Variants in MAPK8IP3 observed in about 807,000 individuals in gnomAD.
The protein encoded by MAPK8IP3 is mitogen-activated protein kinase 8 interacting protein 3.
A neutral mutation model predicts 157.8 loss-of-function variants in MAPK8IP3; 49 were observed. The observed-to-expected ratio is 0.31, with a 90% CI of 0.25 to 0.39. MAPK8IP3 has a LOEUF of 0.39. Among genes scored for constraint, MAPK8IP3 ranks in the 10% least tolerant of loss-of-function variants. The pLI is 1.00. For missense variants in MAPK8IP3, 1,478 were observed against 1,889.4 expected, an observed-to-expected ratio of 0.78 and a Z score of 4.04; for synonymous variants, 897 against 777.7, an observed-to-expected ratio of 1.15 and a Z score of -2.55.
In MAPK8IP3 at chr16:1,708,842, C is replaced by T. The variant is rs576357993; in HGVS notation, c.318+2185C>T. Among the ~76,000 whole-genome samples the T allele has an allele frequency of 1.1e-3, 171 of 152,276 alleles. 1 individual carries two copies. Among genetic ancestry groups the T allele is most frequent in the Non-Finnish European group, 1.5e-3 (99 of 68,026 alleles). ...GGCTTTACAACTAAGGAAGAGGGCT[C>T]GATGCTGTCAACATTTGGCATGCCT... On this transcript the variant is annotated intron_variant, in intron 1 of 31. Transcript: ENST00000610761.
intron 4 of MAPK8IP3, among the ~76,000 whole-genome samples, chr16:1,738,985 T>A (rs2040363677): frequency 7.1e-6 from 1 of 140,182 alleles, no homozygotes; most frequent in Non-Finnish European, 1.5e-5. Flanking sequence ...CGTGTGAGCA[T>A]GTGAGCATCC....
At chr16:1,767,766 G>A in intron 27 of MAPK8IP3, 31 bp downstream of exon 27, 1 of 1,611,724 alleles carries the variant, frequency 6.2e-7, no homozygotes, top group East Asian at 2.2e-5. Flanking sequence ...GGGTGGTGGG[G>A]TGCTCAAGGC....
intron 11 of MAPK8IP3, 51 bp from the exon 12 acceptor site, chr16:1,760,329 C>T (rs531577262): frequency 2.1e-5 from 33 of 1,572,968 alleles, no homozygotes; most frequent in Admixed American, 3.5e-5. Flanking sequence ...GGCCCCTTCA[C>T]GTACCTGTAT....
At chr16:1,717,741 A>G (rs1443438932) in intron 1 of MAPK8IP3, among the ~76,000 whole-genome samples, 2 of 152,236 alleles carry the variant, frequency 1.3e-5, no homozygotes, top group Non-Finnish European at 2.9e-5. Context: ...ATTCAAAAAA[A>G]ATGCTGATAG....
chr16:1,763,120 C>G, intron 16 of MAPK8IP3, 114 bp downstream of exon 16: 1 of 1,388,348 alleles, frequency 7.2e-7, no homozygotes, highest in Non-Finnish European at 9.9e-7. Flanking sequence ...CTCCACCTTG[C>G]TGGCCACATG....
intron 11 of MAPK8IP3, 137 bp downstream of exon 11, chr16:1,760,152 G>A (rs988750123): frequency 2.8e-6 from 3 of 1,069,074 alleles, no homozygotes; most frequent in Admixed American, 4.2e-5. Flanking sequence ...CTGGCGGGAG[G>A]AACTTGGAGC....
At position 1,768,212 on chromosome 16, in the gene MAPK8IP3, C is replaced by G. The variant is rs750069136; in HGVS notation, c.3576C>G (p.Ser1192=). The G allele has an allele frequency of 6.2e-7, 1 of 1,612,434 alleles. No individual in the cohort carries two copies. The highest frequency in any genetic ancestry group is 1.3e-5 in the African/African-American group (1 of 75,058). ...CTCTCCCTGCAGCCAATAAGACATC[C>G]CCCACCTCTGGGGAGGGCGCCCGTC... ...QLLGLRANKT[S]PTSGEGARPG... is the part of the protein sequence containing the mutation. Residue 1192 remains serine, a synonymous_variant, in exon 30 of 32, where the codon TCC becomes TCG. Coordinates refer to ENST00000610761, the MANE Select transcript of MAPK8IP3 (RefSeq NM_001318852.2).
chr16:1,753,557 C>T (rs1327555686), intron 8 of MAPK8IP3, among the ~76,000 whole-genome samples: 1 of 152,006 alleles, frequency 6.6e-6, no homozygotes, highest in African/African-American at 2.4e-5. Flanking sequence ...TCTCCTGCCT[C>T]AGCCTCCCGA....
At chr16:1,721,918 C>T (rs1404910559) in intron 1 of MAPK8IP3, among the ~76,000 whole-genome samples, 2 of 151,896 alleles carry the variant, frequency 1.3e-5, no homozygotes, top group African/African-American at 2.4e-5. Flanking sequence ...TACAGGCGCC[C>T]GCCACCACGC....
chr16:1,721,487 T>C (rs2038519095), intron 1 of MAPK8IP3, among the ~76,000 whole-genome samples: 1 of 152,080 alleles, frequency 6.6e-6, no homozygotes, highest in Non-Finnish European at 1.5e-5. Context: ...GGGAGTGCAG[T>C]GGTGCCAGCC....
chr16:1,761,102 G>A, intron 12 of MAPK8IP3, 122 bp from the exon 13 acceptor site: 2 of 768,184 alleles, frequency 2.6e-6, no homozygotes, highest in Admixed American at 1.9e-5. Context: ...GGGTCCCTGT[G>A]GGGAGAGCCC....
Position 1,760,554 on chromosome 16 carries a change from C to T in MAPK8IP3, c.1457+22C>T, listed in dbSNP as rs149566647. 5.2e-4 allele frequency: 840 copies of T among 1,603,062 alleles called. 2 individuals carry two copies. The African/African-American group carries it at 1.0e-2, about 19-fold the overall frequency. On this transcript the variant is annotated intron_variant, in intron 12 of 31. Transcript: ENST00000610761. ...AAAGGTGAGGGCAGGGCATGGAAAG[C>T]TGGTCAGAGAGGGACCCCGGCCTCA...
intron 7 of MAPK8IP3, 78 bp from the exon 8 acceptor site, chr16:1,748,524 T>C: frequency 1.6e-6 from 2 of 1,281,344 alleles, no homozygotes; most frequent in South Asian, 1.2e-5. Context: ...GTGGGAGGTG[T>C]TGGAAGAGTC....
chr16:1,727,175 CGTGTGCTGTGTGCGGCATCTGAGTT>C (rs1183939246), intron 2 of MAPK8IP3, among the ~76,000 whole-genome samples: 1 of 145,222 alleles, frequency 6.9e-6, no homozygotes, highest in Admixed American at 6.9e-5. Flanking sequence ...CTGTGAGTGT[CGTGTGCTGTGTGCGGCATCTGAGTT>C]GTGTGCTGTG....
Position 1,767,832 on chromosome 16 carries a change from T to C in MAPK8IP3, c.3437T>C (p.Val1146Ala). Residue 1146 changes from valine to alanine, a missense_variant, in exon 28 of 32, where the codon GTA becomes GCA. By Grantham distance (64) the Val-to-Ala change is moderately conservative. Coordinates refer to ENST00000610761, the MANE Select transcript of MAPK8IP3 (RefSeq NM_001318852.2). ...ACTGGCAAGCTGGGTTTCTCCTTCG[T>C]ACGCATCACGGCCCTGCTTGTCGCG... ...LGTGKLGFSF[V>A]RITALLVAGS... 4 of 1,611,302 alleles carry C rather than the reference T, an allele frequency of 2.5e-6. No homozygotes were observed. Among genetic ancestry groups the C allele is most frequent in the Non-Finnish European group, 3.4e-6 (4 of 1,179,894 alleles).
At chr16:1,730,255 G>A (rs1185259029) in intron 4 of MAPK8IP3, among the ~76,000 whole-genome samples, 8 of 151,614 alleles carry the variant, frequency 5.3e-5, no homozygotes, top group Non-Finnish European at 7.4e-5. Flanking sequence ...AGTGAGCCCC[G>A]TCTCTAAAAA....
intron 1 of MAPK8IP3, among the ~76,000 whole-genome samples, chr16:1,711,982 C>T (rs1219392608): frequency 1.3e-5 from 2 of 149,412 alleles, no homozygotes; most frequent in South Asian, 2.1e-4. Context: ...ACTGAGGTCC[C>T]GAGCTCCCCT....
In MAPK8IP3 at chr16:1,747,407, G is replaced by C. The variant is rs2041031126; in HGVS notation, c.994+132G>C. Reference sequence around the variant, plus strand: ...CGTGTTCCTCACAGCCCGGAGGCTGGGGTCCAAGATCAAGGCGCTGGCAGG... The same window carrying C: ...CGTGTTCCTCACAGCCCGGAGGCTGCGGTCCAAGATCAAGGCGCTGGCAGG... On this transcript the variant is annotated intron_variant, in intron 6 of 31. Transcript: ENST00000610761. 33 of 1,342,130 alleles carry C rather than the reference G, an allele frequency of 2.5e-5. 1 individual carries two copies. The South Asian group carries it at 4.4e-4, about 18-fold the overall frequency. The allele number at this position is 1,342,130 out of a possible 1,614,324, so 83.1% of individuals were successfully genotyped here.
In MAPK8IP3 at chr16:1,764,388, G is replaced by C. The variant is rs1257983700; in HGVS notation, c.2209G>C (p.Asp737His). 5.6e-6 allele frequency: 9 copies of C among 1,597,320 alleles called. No individual in the cohort carries two copies. ...TGGAGTCAAGCCAGCGCCAGGCCGCGATCCCCTGACCTGCGACCGCGAAGG... is the reference window on the plus strand; with the variant it reads ...TGGAGTCAAGCCAGCGCCAGGCCGCCATCCCCTGACCTGCGACCGCGAAGG... The part of the protein sequence containing the change: ...GNGVKPAPGR[D>H]PLTCDREGDG... Residue 737 changes from aspartate to histidine, a missense_variant, in exon 19 of 32, where the codon GAT (aspartate) becomes CAT (histidine). Asp to His is a moderately conservative substitution (Grantham distance 81). Coordinates refer to ENST00000610761, the MANE Select transcript of MAPK8IP3 (RefSeq NM_001318852.2).
Sources: gnomAD v4.1 joint callset for allele counts (sites outside exome capture counted in the v4.1 genomes callset) on GRCh38, gnomAD v4.1.1 for gene constraint, MANE v1.5 for transcripts, NCBI Gene and HGNC (gene_info 2026-07-23, HGNC 2026-07-21) for gene names.